NHS: variants seen among roughly 807,000 people sequenced by gnomAD.
NHS encodes NHS actin remodeling regulator.
NHS carries 5 observed loss-of-function variants against 72.5 expected under a neutral mutation model. The observed-to-expected ratio is 0.07, with a 90% CI of 0.04 to 0.14. The LOEUF (loss-of-function observed/expected upper bound fraction) is 0.14, where lower values mean the gene tolerates loss of function less well. NHS is among the 10% of genes least tolerant of loss of function. NHS has a pLI of 1.00. For missense variants in NHS, 1,072 were observed against 1,355.7 expected (o/e 0.79, Z 3.29); for synonymous variants, 464 against 547.7 (o/e 0.85, Z 2.13).
At chrX:17,690,765 A>T (rs757336066) in intron 2 of NHS, among the ~76,000 whole-genome samples, 43 of 111,858 alleles carry the variant, frequency 3.8e-4, no homozygotes, top group African/African-American at 1.2e-3. Flanking sequence ...TGGAGGATGT[A>T]GCATCTACAT....
At chrX:17,703,041 G>T (rs2066275273) in intron 3 of NHS, among the ~76,000 whole-genome samples, 1 of 110,751 alleles carries the variant, frequency 9.0e-6, no homozygotes, top group Non-Finnish European at 1.9e-5. Flanking sequence ...GGCTGAGGCT[G>T]GTGGATCACT....
chrX:17,668,290 T>C (rs923594373), intron 1 of NHS, among the ~76,000 whole-genome samples: 2 of 109,309 alleles, frequency 1.8e-5, no homozygotes, highest in African/African-American at 6.7e-5. Context: ...AAAGTACAGT[T>C]AAATAGAGTG....
intron 1 of NHS, among the ~76,000 whole-genome samples, chrX:17,446,647 C>T (rs1772434707): frequency 9.7e-6 from 1 of 103,375 alleles, no homozygotes; most frequent in African/African-American, 3.8e-5. Context: ...AATAAACAGC[C>T]TTTTTGCCCA....
At chrX:17,591,310 A>G (rs1289825067) in intron 1 of NHS, among the ~76,000 whole-genome samples, 1 of 111,701 alleles carries the variant, frequency 9.0e-6, no homozygotes. Context: ...TTGCTGATCC[A>G]ATAGGCACCC....
At position 17,569,860 on chromosome X, in the gene NHS, G is replaced by A. The variant is rs190922025; in HGVS notation, c.566-117882G>A. Among the ~76,000 whole-genome samples the A allele has an allele frequency of 2.5e-4, 28 of 112,069 alleles. 1 individual carries two copies. The East Asian group carries it at 3.4e-3, about 13-fold the overall frequency. On this transcript the variant is annotated intron_variant, in intron 1 of 8. Transcript: ENST00000676302. ...TGATTTTTGTATAAGGTGTAAGGAA[G>A]GGGTCTAGTTTCAGTTTTCTGCATA...
chrX:17,509,351 A>G (rs201146311), intron 1 of NHS, among the ~76,000 whole-genome samples: 1 of 109,937 alleles, frequency 9.1e-6, no homozygotes, highest in Non-Finnish European at 1.9e-5. Flanking sequence ...CTCAGCCTCC[A>G]GAGTAGCTGG....
At chrX:17,446,786 T>G (rs1379720401) in intron 1 of NHS, among the ~76,000 whole-genome samples, 1 of 112,207 alleles carries the variant, frequency 8.9e-6, no homozygotes, top group African/African-American at 3.2e-5. Context: ...TTAATAAAAG[T>G]GGCTTATAGT....
chrX:17,517,765 G>A (rs2065128289), intron 1 of NHS, among the ~76,000 whole-genome samples: 1 of 111,940 alleles, frequency 8.9e-6, no homozygotes, highest in Non-Finnish European at 1.9e-5. Context: ...GTAAGAGAGA[G>A]AAAATCCATT....
At chrX:17,475,900 G>A (rs1025565229) in intron 1 of NHS, among the ~76,000 whole-genome samples, 3 of 111,791 alleles carry the variant, frequency 2.7e-5, no homozygotes, top group African/African-American at 9.8e-5. Flanking sequence ...GCCTCTGAGA[G>A]AGAAATCTCA....
At chrX:17,452,477 C>T (rs755425186) in intron 1 of NHS, among the ~76,000 whole-genome samples, 1 of 108,385 alleles carries the variant, frequency 9.2e-6, no homozygotes, top group Non-Finnish European at 1.9e-5. Context: ...TCCCTGGGCT[C>T]AGTATCTTTC....
chrX:17,501,573 A>G (rs2065036489), intron 1 of NHS, among the ~76,000 whole-genome samples: 1 of 111,426 alleles, frequency 9.0e-6, no homozygotes, highest in Non-Finnish European at 1.9e-5. Flanking sequence ...CCATCTCTAT[A>G]AAAATTAGCC....
Position 17,680,128 on chromosome X carries a change from T to C in NHS, c.566-7614T>C, listed in dbSNP as rs193262322. Among the ~76,000 whole-genome samples, 108 of 112,279 alleles carry C rather than the reference T, an allele frequency of 9.6e-4. 1 individual carries two copies. The highest frequency in any genetic ancestry group is 3.3e-3 in the African/African-American group (103 of 30,894). ...CTGAAGTGCACCTGGAATTTTAAAA[T>C]AAAAATGGATGGAATGTGTACTATC... On this transcript the variant is annotated intron_variant, in intron 1 of 8. Transcript: ENST00000676302.
At chrX:17,394,888 T>C (rs2064465337) in intron 1 of NHS, among the ~76,000 whole-genome samples, 1 of 111,730 alleles carries the variant, frequency 9.0e-6, no homozygotes, top group African/African-American at 3.3e-5. Flanking sequence ...CTTCTGCTAG[T>C]ACAATGTCAC....
At chrX:17,538,499 T>C (rs1233418373) in intron 1 of NHS, among the ~76,000 whole-genome samples, 2 of 111,597 alleles carry the variant, frequency 1.8e-5, no homozygotes, top group Non-Finnish European at 3.8e-5. Context: ...ACGTCAGAGT[T>C]TCCTGCCTAG....
At chrX:17,433,556 C>T (rs2064705382) in intron 1 of NHS, among the ~76,000 whole-genome samples, 3 of 110,952 alleles carry the variant, frequency 2.7e-5, no homozygotes, top group East Asian at 5.7e-4. Context: ...TTAGTCCACA[C>T]ACAGGCCAGG....
Position 17,386,347 on chromosome X carries a change from G to A in NHS, c.565+10025G>A, listed in dbSNP as rs1186633529. Among the ~76,000 whole-genome samples the A allele has an allele frequency of 2.7e-5, 3 of 111,036 alleles. No homozygotes were observed. The East Asian group carries it at 8.5e-4, about 32-fold the overall frequency. On this transcript the variant is annotated intron_variant, in intron 1 of 8. Coordinates refer to ENST00000676302, the MANE Select transcript of NHS (RefSeq NM_001291867.2). ...TCTACCACAGGTGCAGGGCACAAATGGACCCATTCCTGTCTTTATAAGAAT... is the reference window on the plus strand; with the variant it reads ...TCTACCACAGGTGCAGGGCACAAATAGACCCATTCCTGTCTTTATAAGAAT...
chrX:17,389,279 G>A (rs2146844197), intron 1 of NHS, among the ~76,000 whole-genome samples: 1 of 112,025 alleles, frequency 8.9e-6, no homozygotes, highest in Admixed American at 9.5e-5. Flanking sequence ...AGGTAGGAAA[G>A]CAGTATTTGA....
In NHS at chrX:17,565,482, G is replaced by A. The variant is rs1195485650; in HGVS notation, c.566-122260G>A. The stretch of plus-strand genomic sequence containing the variant: ...GTAGATAACTCATAAACATCCAATG[G>A]CAGCTTTACAGTTTTTAACAATTTC... On this transcript the variant is annotated intron_variant, in intron 1 of 8. Transcript: ENST00000676302. Among the ~76,000 whole-genome samples, 6 of 112,099 alleles carry A rather than the reference G, an allele frequency of 5.4e-5. No individual in the cohort carries two copies. The Admixed American group carries it at 5.7e-4, about 11-fold the overall frequency.
chrX:17,566,694 T>G (rs1014556523), intron 1 of NHS, among the ~76,000 whole-genome samples: 14 of 111,227 alleles, frequency 1.3e-4, no homozygotes, highest in African/African-American at 4.3e-4. Flanking sequence ...TGTTTGTTTT[T>G]TTTTTTTTTT....
Sources: allele counts gnomAD v4.1 joint callset (sites outside exome capture counted in the v4.1 genomes callset), GRCh38; gene constraint gnomAD v4.1.1; transcripts MANE v1.5; gene names NCBI Gene and HGNC (gene_info 2026-07-23, HGNC 2026-07-21).